Variants in CTNNA3 observed in about 807,000 individuals in gnomAD.
CTNNA3 encodes the protein catenin alpha 3.
A neutral mutation model predicts 95.7 loss-of-function variants in CTNNA3; 76 were observed. That is an observed-to-expected ratio of 0.79 (90% CI 0.66 to 0.96). CTNNA3 has a LOEUF of 0.96. Among genes scored for constraint, CTNNA3 ranks in the 40% least tolerant of loss-of-function variants. The pLI, the probability that CTNNA3 is intolerant of heterozygous loss-of-function variation, is 0.00. For missense variants in CTNNA3, 1,191 were observed against 1,089.8 expected, an observed-to-expected ratio of 1.09 and a Z score of -1.31; for synonymous variants, 431 against 374.4, an observed-to-expected ratio of 1.15 and a Z score of -1.74.
chr10:66,825,213 G>T (rs1440018196), intron 7 of CTNNA3, among the ~76,000 whole-genome samples: 1 of 146,822 alleles, frequency 6.8e-6, no homozygotes, highest in Non-Finnish European at 1.5e-5. Context: ...TATATTTTAA[G>T]ATATATATAT....
chr10:66,309,685 C>CAAAAA (rs60400266), intron 12 of CTNNA3, among the ~76,000 whole-genome samples: 2 of 41,774 alleles, frequency 4.8e-5, no homozygotes, highest in African/African-American at 8.5e-5. Flanking sequence ...GACTCCGTCT[C>CAAAAA]AAAAAAAAAA....
At chr10:67,232,584 A>T (rs1396878170) in intron 5 of CTNNA3, among the ~76,000 whole-genome samples, 1 of 152,158 alleles carries the variant, frequency 6.6e-6, no homozygotes, top group Non-Finnish European at 1.5e-5. Flanking sequence ...CATCGAGACT[A>T]GGAAAAAACT....
intron 13 of CTNNA3, among the ~76,000 whole-genome samples, chr10:66,114,391 T>C (rs904434491): frequency 2.0e-5 from 3 of 151,858 alleles, no homozygotes; most frequent in Non-Finnish European, 4.4e-5. Context: ...TGTGTGTATA[T>C]ATGTATATGT....
chr10:67,254,609 A>G (rs1026349097), intron 5 of CTNNA3, among the ~76,000 whole-genome samples: 4 of 152,238 alleles, frequency 2.6e-5, no homozygotes, highest in African/African-American at 9.6e-5. Context: ...GTACAACAAA[A>G]TAACATTTTA....
At chr10:66,364,820 A>G (rs917891772) in intron 12 of CTNNA3, among the ~76,000 whole-genome samples, 1 of 152,106 alleles carries the variant, frequency 6.6e-6, no homozygotes, top group African/African-American at 2.4e-5. Context: ...ATTTCTCCAC[A>G]TGACCATGGC....
At chr10:67,091,063 A>AGC in intron 7 of CTNNA3, among the ~76,000 whole-genome samples, 1 of 152,078 alleles carries the variant, frequency 6.6e-6, no homozygotes, top group Non-Finnish European at 1.5e-5. Flanking sequence ...CCAAAGGGAC[A>AGC]GCTTTCTATT....
chr10:66,069,643 A>G (rs1214176363), intron 14 of CTNNA3, among the ~76,000 whole-genome samples, 154 bp from the exon 15 acceptor site: 1 of 152,190 alleles, frequency 6.6e-6, no homozygotes, highest in Non-Finnish European at 1.5e-5. Flanking sequence ...TCCAGGCTTA[A>G]TATTTCATAT....
intron 11 of CTNNA3, among the ~76,000 whole-genome samples, chr10:66,439,449 A>G (rs1216805975): frequency 6.6e-6 from 1 of 152,152 alleles, no homozygotes; most frequent in African/African-American, 2.4e-5. Context: ...TTGTTACCTG[A>G]GGATTATGAT....
intron 5 of CTNNA3, among the ~76,000 whole-genome samples, chr10:67,261,645 T>C (rs973405083): frequency 5.3e-5 from 8 of 152,210 alleles, no homozygotes; most frequent in African/African-American, 1.9e-4. Context: ...TCCACGGATG[T>C]TCCCTGAATC....
intron 9 of CTNNA3, among the ~76,000 whole-genome samples, chr10:66,760,158 T>G (rs910433008): frequency 1.3e-5 from 2 of 152,186 alleles, no homozygotes; most frequent in African/African-American, 4.8e-5. Context: ...GGTTAGAAAT[T>G]TTTGTATTCA....
intron 4 of CTNNA3, among the ~76,000 whole-genome samples, chr10:67,530,221 T>C (rs574425298): frequency 1.3e-5 from 2 of 152,166 alleles, no homozygotes; most frequent in Non-Finnish European, 2.9e-5. Flanking sequence ...CCTGAAAATG[T>C]GGAAGCAATT....
At chr10:67,014,822 C>T (rs1852557513) in intron 7 of CTNNA3, among the ~76,000 whole-genome samples, 1 of 151,794 alleles carries the variant, frequency 6.6e-6, no homozygotes, top group Non-Finnish European at 1.5e-5. Context: ...CCAAACATAG[C>T]TAAATGTTTA....
rs529601391 is a variant in CTNNA3 at position 66,587,193 on chromosome 10, A to C, written c.1374+34499T>G. On this transcript the variant is annotated intron_variant, in intron 10 of 17. Coordinates refer to ENST00000433211, the MANE Select transcript of CTNNA3 (RefSeq NM_013266.4). ...GTGTATTGGGCACATAGACAGACTC[A>C]AGACGTCCTATTTAGCTAAGGTAAT... Among the ~76,000 whole-genome samples the C allele has an allele frequency of 9.9e-5, 15 of 152,284 alleles. 1 individual carries two copies. The highest frequency in any genetic ancestry group is 3.6e-4 in the African/African-American group (15 of 41,562).
At chr10:67,043,105 A>C (rs1854505888) in intron 7 of CTNNA3, among the ~76,000 whole-genome samples, 1 of 149,788 alleles carries the variant, frequency 6.7e-6, no homozygotes, top group South Asian at 2.1e-4. Flanking sequence ...AGCTCTTGGG[A>C]GATTTCATGC....
intron 7 of CTNNA3, among the ~76,000 whole-genome samples, chr10:66,957,717 G>C (rs1848900194): frequency 6.6e-6 from 1 of 151,818 alleles, no homozygotes; most frequent in South Asian, 2.1e-4. Context: ...GTGAAACATG[G>C]GGACAGCATC....
At chr10:66,645,744 GT>G (rs1845686450) in intron 9 of CTNNA3, among the ~76,000 whole-genome samples, 1 of 152,084 alleles carries the variant, frequency 6.6e-6, no homozygotes, top group Non-Finnish European at 1.5e-5. Flanking sequence ...AGAAATCTAG[GT>G]TGCACGTCCT....
chr10:67,527,286 A>G (rs1840174346), intron 4 of CTNNA3, among the ~76,000 whole-genome samples: 1 of 152,116 alleles, frequency 6.6e-6, no homozygotes. Context: ...ATAAAATAAA[A>G]AGTTTATGGG....
chr10:66,730,450 T>C (rs1420739768), intron 9 of CTNNA3, among the ~76,000 whole-genome samples: 1 of 152,172 alleles, frequency 6.6e-6, no homozygotes, highest in Non-Finnish European at 1.5e-5. Context: ...CTGGAGCCTG[T>C]CGGCATGGGG....
intron 11 of CTNNA3, among the ~76,000 whole-genome samples, chr10:66,431,672 T>A (rs1205318216): frequency 6.8e-6 from 1 of 146,600 alleles, no homozygotes; most frequent in African/African-American, 2.5e-5. Context: ...CCGCATTTTC[T>A]CACTCACAGG....
Sources: gnomAD v4.1 joint callset for allele counts (sites outside exome capture counted in the v4.1 genomes callset) on GRCh38, gnomAD v4.1.1 for gene constraint, MANE v1.5 for transcripts, NCBI Gene and HGNC (gene_info 2026-07-23, HGNC 2026-07-21) for gene names.